Variants in PLA2G15 observed in about 807,000 individuals in gnomAD.
The protein encoded by PLA2G15 is phospholipase A2 group XV.
In PLA2G15, 20 loss-of-function variants were observed where a neutral mutation model predicts 40.9. That is an observed-to-expected ratio of 0.49 (90% CI 0.34 to 0.71). The LOEUF (loss-of-function observed/expected upper bound fraction) is 0.71, where lower values mean the gene tolerates loss of function less well. PLA2G15 is among the 30% of genes least tolerant of loss of function. The pLI is 0.01. For synonymous variants in PLA2G15, 223 were observed against 228.2 expected (o/e 0.98, Z 0.21); for missense variants, 471 against 541.9 (o/e 0.87, Z 1.30).
In PLA2G15 at chr16:68,255,881, C is replaced by G; in HGVS notation, c.618C>G (p.Tyr206Ter). Residue 206 changes from tyrosine (Y) to a stop codon, truncating the protein, a stop_gained, in exon 5 of 6, where the codon TAC (tyrosine) becomes TAG (stop). Coordinates refer to ENST00000219345, the MANE Select transcript of PLA2G15 (RefSeq NM_012320.4). LOFTEE classifies it high-confidence loss of function. This position sits in a 1 kb window ranked among gnomAD's most constrained non-coding sequence, Gnocchi z 5.9. ...GTATGGGCAACATGTACACGCTCTA[C>G]TTTCTGCAGCGGCAGCCGCAGGCCT... ...AHSMGNMYTLYFLQRQPQAWK... is the reference protein window; with the variant it reads ...AHSMGNMYTL 6.2e-7 allele frequency: 1 copy of G among 1,614,102 alleles called. No individual in the cohort carries two copies. The highest frequency in any genetic ancestry group is 1.1e-5 in the South Asian group (1 of 91,088).
In PLA2G15 at chr16:68,258,909, G is replaced by A. The variant is rs756903871; in HGVS notation, c.728-237G>A. On this transcript the variant is annotated intron_variant, in intron 5 of 5. Coordinates refer to ENST00000219345, the MANE Select transcript of PLA2G15 (RefSeq NM_012320.4). ...TGAGAGGTTGAGGCTGCTGTGAGCC[G>A]TGATCATGCCATTATACTCCAGCCT... 51 of 520,432 alleles carry A rather than the reference G, an allele frequency of 9.8e-5. 1 individual carries two copies. Among genetic ancestry groups the A allele is most frequent in the Non-Finnish European group, 1.5e-4 (43 of 294,410 alleles). 32.2% of individuals were successfully genotyped at this position (520,432 alleles called of 1,614,324 possible).
chr16:68,247,864 G>T (rs938853796), intron 1 of PLA2G15, among the ~76,000 whole-genome samples: 1 of 152,218 alleles, frequency 6.6e-6, no homozygotes, highest in Non-Finnish European at 1.5e-5. Flanking sequence ...GGGAAGTGGC[G>T]AGAGCATGGC....
intron 1 of PLA2G15, among the ~76,000 whole-genome samples, chr16:68,247,718 G>A (rs2042320576): frequency 6.6e-6 from 1 of 152,240 alleles, no homozygotes; most frequent in Non-Finnish European, 1.5e-5. Flanking sequence ...ATGGCACCCT[G>A]AAGACACTGG....
At chr16:68,252,306 C>G (rs982752807) in intron 2 of PLA2G15, among the ~76,000 whole-genome samples, 3 of 152,204 alleles carry the variant, frequency 2.0e-5, no homozygotes, top group African/African-American at 7.2e-5. Flanking sequence ...CTGTCAGCTT[C>G]AGTGGCTGAT....
At chr16:68,247,960 C>T (rs2042322734) in intron 1 of PLA2G15, among the ~76,000 whole-genome samples, 1 of 152,180 alleles carries the variant, frequency 6.6e-6, no homozygotes, top group Admixed American at 6.5e-5. Context: ...ATTTGGGTGT[C>T]ACCAGGGCCC....
Position 68,259,383 on chromosome 16 carries a change from T to G in PLA2G15, c.965T>G (p.Met322Arg). 1 of 1,614,024 alleles carries G rather than the reference T, an allele frequency of 6.2e-7. No homozygotes were observed. Among genetic ancestry groups the G allele is most frequent in the Non-Finnish European group, 8.5e-7 (1 of 1,180,046 alleles). Residue 322 changes from methionine (M) to arginine (R), a missense_variant, in exon 6 of 6, where the codon ATG becomes AGG. Coordinates refer to ENST00000219345, the MANE Select transcript of PLA2G15 (RefSeq NM_012320.4). This position sits in a 1 kb window ranked among gnomAD's most constrained non-coding sequence, Gnocchi z 6.5. Reference sequence around the variant, plus strand: ...ACAGAAGGGCTGGTGGAAGCCACGATGCCACCTGGCGTGCAGCTGCACTGC... The same window carrying G: ...ACAGAAGGGCTGGTGGAAGCCACGAGGCCACCTGGCGTGCAGCTGCACTGC... ...QDTEGLVEAT[M>R]PPGVQLHCLY...
intron 5 of PLA2G15, among the ~76,000 whole-genome samples, chr16:68,257,235 G>C (rs1356861102): frequency 6.6e-6 from 1 of 152,092 alleles, no homozygotes; most frequent in Non-Finnish European, 1.5e-5. Context: ...ATTTTGGTCA[G>C]GCTGGTCTTG....
rs760547384 is a variant in PLA2G15, at chr16:68,256,002, C to T, written c.727+12C>T. ...CGTCCTGGCTTCAGGTAAGACCCTA[C>T]CTGGCCCAGCGTGGGGGGCTGTTGC... On this transcript the variant is annotated intron_variant, in intron 5 of 5. Coordinates refer to ENST00000219345, the MANE Select transcript of PLA2G15 (RefSeq NM_012320.4). 10 of 1,561,898 alleles carry T rather than the reference C, an allele frequency of 6.4e-6. No homozygotes were observed. The highest frequency in any genetic ancestry group is 1.1e-5 in the South Asian group (1 of 87,388).
At chr16:68,249,250 G>A (rs534682510) in intron 1 of PLA2G15, 40 bp from the exon 2 acceptor site, 2 of 1,601,420 alleles carry the variant, frequency 1.2e-6, no homozygotes, top group South Asian at 2.2e-5. Flanking sequence ...TCTTGAACCT[G>A]CCGGGCTGAG....
rs1316035510 is a variant in PLA2G15, at chr16:68,259,630, T to A, written c.1212T>A (p.Tyr404Ter). 6.2e-7 allele frequency: 1 copy of A among 1,612,738 alleles called. No homozygotes were observed. The highest frequency in any genetic ancestry group is 1.7e-5 in the Admixed American group (1 of 60,010). ...TGGCCAACGCCACCACCCTGGCCTA[T>A]CTGAAACGTGTGCTCCTTGGGCCCT... is the stretch of plus-strand genomic sequence containing the variant. ...EMLANATTLAYLKRVLLGP is the reference protein window; with the variant it reads ...EMLANATTLA The change falls in exon 6 of 6, where the codon TAT becomes TAA. Residue 404 changes from tyrosine to a stop codon, truncating the protein, a stop_gained. Transcript: ENST00000219345. LOFTEE classifies it high-confidence loss of function. The surrounding 1 kb of genome is among the most constrained non-coding windows in gnomAD (Gnocchi z 6.5).
intron 2 of PLA2G15, 122 bp from the exon 3 acceptor site, chr16:68,254,797 C>T (rs1401994108): frequency 4.3e-6 from 3 of 696,050 alleles, no homozygotes; most frequent in Non-Finnish European, 7.8e-6. Flanking sequence ...TTCGGTCTCT[C>T]CTATCCATCT....
In PLA2G15 at chr16:68,253,691, G is replaced by GTTTTTTT. The variant is rs58831503; in HGVS notation, c.285-1218_285-1212dup. Among the ~76,000 whole-genome samples, 3 of 124,932 alleles carry GTTTTTTT rather than the reference G, an allele frequency of 2.4e-5. 1 individual carries two copies. Among genetic ancestry groups the GTTTTTTT allele is most frequent in the Non-Finnish European group, 5.0e-5 (3 of 60,022 alleles). The allele number at this position is 124,932 out of a possible 152,430, so 82.0% of individuals were successfully genotyped here. Reference sequence around the variant, plus strand: ...TGCCTGGCCTAGTGTGTTTTGTTTTGTTTTTTTTTTTTTTTTGAGACAGGG... The same window carrying GTTTTTTT: ...TGCCTGGCCTAGTGTGTTTTGTTTTGTTTTTTTTTTTTTTTTTTTTTTTGAGACAGGG... On this transcript the variant is annotated intron_variant, in intron 2 of 5. Transcript: ENST00000219345.
At chr16:68,252,672 C>G in intron 2 of PLA2G15, 2 of 444,692 alleles carry the variant, frequency 4.5e-6, no homozygotes, top group Non-Finnish European at 9.0e-6. Flanking sequence ...TTACACAGTT[C>G]TAGAAAACTA....
intron 2 of PLA2G15, among the ~76,000 whole-genome samples, chr16:68,249,861 G>A (rs1293804676): frequency 6.6e-6 from 1 of 151,900 alleles, no homozygotes; most frequent in Non-Finnish European, 1.5e-5. Flanking sequence ...TGTATTTTTA[G>A]TGGAGATGGT....
At position 68,255,117 on chromosome 16, in the gene PLA2G15, C is replaced by A; in HGVS notation, c.403+80C>A. ...TGGAGCTGGAGCTGGAGGAACTCTG[C>A]TGGTTTGTAGGGACAGCCTGTGAGC... On this transcript the variant is annotated intron_variant, in intron 3 of 5. Coordinates refer to ENST00000219345, the MANE Select transcript of PLA2G15 (RefSeq NM_012320.4). The surrounding 1 kb of genome is among the most constrained non-coding windows in gnomAD (Gnocchi z 5.9). The A allele has an allele frequency of 9.0e-7, 1 of 1,116,364 alleles. No homozygotes were observed. The highest frequency in any genetic ancestry group is 1.4e-6 in the Non-Finnish European group (1 of 731,060). The allele number at this position is 1,116,364 out of a possible 1,614,324, so 69.2% of individuals were successfully genotyped here. A position where few individuals can be genotyped will look rare whatever the true frequency, so the allele number is the denominator to read the frequency against.
intron 1 of PLA2G15, among the ~76,000 whole-genome samples, 154 bp from the exon 2 acceptor site, chr16:68,249,136 G>C (rs1052882075): frequency 2.0e-5 from 3 of 152,172 alleles, no homozygotes; most frequent in Admixed American, 6.5e-5. Context: ...TGAATTTCCT[G>C]CCACCAGCAC....
chr16:68,258,088 C>G (rs1460841661), intron 5 of PLA2G15, among the ~76,000 whole-genome samples: 1 of 152,118 alleles, frequency 6.6e-6, no homozygotes, highest in African/African-American at 2.4e-5. Context: ...AGGCCAGAGG[C>G]CCCTGTTCCC....
In PLA2G15 at chr16:68,257,864, A is replaced by C. The variant is rs117793858; in HGVS notation, c.728-1282A>C. ...GTGAGTCCCCTTAGAGCTTTGTTTC[A>C]AAGGCTGGGAAGCTGTTCTGTCCTG... On this transcript the variant is annotated intron_variant, in intron 5 of 5. Transcript: ENST00000219345. Among the ~76,000 whole-genome samples, 1,451 of 152,282 alleles carry C rather than the reference A, an allele frequency of 9.5e-3. 16 individuals are homozygous for C. The highest frequency in any genetic ancestry group is 0.017 in the Middle Eastern group (5 of 294).
chr16:68,255,498 C>G lies in PLA2G15; in HGVS notation c.502+118C>G. On this transcript the variant is annotated intron_variant, in intron 4 of 5. Transcript: ENST00000219345. The surrounding 1 kb of genome is among the most constrained non-coding windows in gnomAD (Gnocchi z 5.9). ...TTGGCTGTCTCCTGTCCCTGGGCCT[C>G]TGGCATCCAGTCTAGTGGTCACAGC... 1.4e-6 allele frequency: 1 copy of G among 711,534 alleles called. No individual in the cohort carries two copies. Among genetic ancestry groups the G allele is most frequent in the Non-Finnish European group, 2.3e-6 (1 of 426,534 alleles). 44.1% of individuals were successfully genotyped at this position (711,534 alleles called of 1,614,324 possible).
Sources: allele counts gnomAD v4.1 joint callset (sites outside exome capture counted in the v4.1 genomes callset), GRCh38; gene constraint gnomAD v4.1.1; non-coding constraint Gnocchi (gnomAD v3.1); transcripts MANE v1.5; gene names NCBI Gene and HGNC (gene_info 2026-07-23, HGNC 2026-07-21).